The following KCNQ5 variants were observed in gnomAD, a reference collection of about 807,000 sequenced individuals.
The protein encoded by KCNQ5 is potassium voltage-gated channel subfamily KQT member 5.
In KCNQ5, 30 loss-of-function variants were observed where a neutral mutation model predicts 98.2. The observed-to-expected ratio is 0.31, with a 90% CI of 0.23 to 0.41. The LOEUF (loss-of-function observed/expected upper bound fraction) is 0.41. Ranked by LOEUF, KCNQ5 falls within the 10% of genes least tolerant of loss-of-function variation. The pLI is 1.00. For missense variants in KCNQ5, 835 were observed against 1,182.5 expected, an observed-to-expected ratio of 0.71 and a Z score of 4.31; for synonymous variants, 458 against 449.4, an observed-to-expected ratio of 1.02 and a Z score of -0.24.
chr6:72,797,735 T>C (rs1043342858), intron 1 of KCNQ5, among the ~76,000 whole-genome samples: 3 of 152,148 alleles, frequency 2.0e-5, no homozygotes, highest in Admixed American at 2.0e-4. Flanking sequence ...AGTTATAACA[T>C]AGACTTATGA....
At chr6:72,664,566 A>G (rs1186941978) in intron 1 of KCNQ5, among the ~76,000 whole-genome samples, 1 of 152,080 alleles carries the variant, frequency 6.6e-6, no homozygotes, top group African/African-American at 2.4e-5. Context: ...GAGGCAGGAG[A>G]GTCCCTTGAA....
At chr6:72,770,544 T>C (rs540725636) in intron 1 of KCNQ5, among the ~76,000 whole-genome samples, 1 of 152,270 alleles carries the variant, frequency 6.6e-6, no homozygotes, top group South Asian at 2.1e-4. Context: ...ATCTGTAAGA[T>C]GACCTGAATC....
At chr6:72,961,270 C>T (rs577323064) in intron 1 of KCNQ5, among the ~76,000 whole-genome samples, 2 of 152,176 alleles carry the variant, frequency 1.3e-5, no homozygotes, top group African/African-American at 4.8e-5. Context: ...TAATCACATG[C>T]CAAACTAGGC....
intron 1 of KCNQ5, among the ~76,000 whole-genome samples, chr6:72,988,322 A>C (rs940269293): frequency 1.3e-5 from 2 of 152,254 alleles, no homozygotes; most frequent in African/African-American, 4.8e-5. Flanking sequence ...CTAAAAACAA[A>C]CAAACAAAAG....
rs1469821073 is a variant in KCNQ5, at chr6:72,647,512, GAGAGGC to G, written c.398+24930_398+24935del. Among the ~76,000 whole-genome samples, 4 of 151,920 alleles carry G rather than the reference GAGAGGC, an allele frequency of 2.6e-5. No homozygotes were observed. In the East Asian group the frequency reaches 7.7e-4, roughly 29 times the overall value. The stretch of plus-strand genomic sequence containing the variant: ...TGCCATAAGATGAGAGAAAGAAAGA[GAGAGGC>G]AGAGACAGAGACTGAGAGACTGATC... On this transcript the variant is annotated intron_variant, in intron 1 of 13. Transcript: ENST00000370398.
intron 1 of KCNQ5, among the ~76,000 whole-genome samples, chr6:72,925,820 C>A (rs991809666): frequency 1.3e-5 from 2 of 152,198 alleles, no homozygotes; most frequent in African/African-American, 2.4e-5. Flanking sequence ...GCAATGGGAA[C>A]CTTGTGGGCA....
intron 1 of KCNQ5, among the ~76,000 whole-genome samples, chr6:72,840,709 A>C (rs567090000): frequency 1.3e-5 from 2 of 152,342 alleles, no homozygotes; most frequent in East Asian, 1.9e-4. Context: ...GGAAACTCCT[A>C]TACTGATTTT....
rs770848588 is a variant in KCNQ5 at position 73,192,604 on chromosome 6, T to C, written c.1749T>C (p.Asp583=). The C allele has an allele frequency of 2.5e-6, 4 of 1,611,974 alleles. No homozygotes were observed. Among genetic ancestry groups the C allele is most frequent in the Admixed American group, 1.7e-5 (1 of 59,738 alleles). Residue 583 remains aspartate, a synonymous_variant, in exon 13 of 14, where the codon GAT becomes GAC. Coordinates refer to ENST00000370398, the MANE Select transcript of KCNQ5 (RefSeq NM_019842.4). ...QILGKGQITS[D]KKSREKITAE... ...TTGGAAAAGGGCAAATCACATCAGA[T>C]AAGAAGAGCCGAGAGAAAATAACAG... is the stretch of plus-strand genomic sequence containing the variant.
chr6:73,086,243 T>C (rs1485822132), intron 5 of KCNQ5, among the ~76,000 whole-genome samples: 1 of 152,062 alleles, frequency 6.6e-6, no homozygotes, highest in African/African-American at 2.4e-5. Flanking sequence ...TCTTTGCCTA[T>C]TCCAAGCCTC....
intron 1 of KCNQ5, among the ~76,000 whole-genome samples, chr6:72,856,835 G>A (rs745421211): frequency 2.0e-5 from 3 of 152,218 alleles, no homozygotes; most frequent in African/African-American, 4.8e-5. Flanking sequence ...CAACTCTGGT[G>A]ATGTAGCTGC....
intron 1 of KCNQ5, among the ~76,000 whole-genome samples, chr6:72,887,597 A>G (rs1158284741): frequency 2.0e-5 from 3 of 152,226 alleles, no homozygotes; most frequent in East Asian, 1.9e-4. Flanking sequence ...AATACAATTA[A>G]AAAGCAAGAC....
At chr6:72,723,038 T>C (rs754668608) in intron 1 of KCNQ5, among the ~76,000 whole-genome samples, 1 of 151,886 alleles carries the variant, frequency 6.6e-6, no homozygotes, top group Non-Finnish European at 1.5e-5. Context: ...TTTGTAGAGA[T>C]GGGGTTTCAC....
rs367550277 is a variant in KCNQ5, at chr6:72,863,066, G to A, written c.399-140842G>A. On this transcript the variant is annotated intron_variant, in intron 1 of 13. Transcript: ENST00000370398. ...GGCTAAAAACTGGAAGCAGCTTATG[G>A]CAGACTAAATGACTCAGTTGCTACT... is the stretch of plus-strand genomic sequence containing the variant. Among the ~76,000 whole-genome samples the A allele has an allele frequency of 2.0e-4, 30 of 152,266 alleles. 1 individual carries two copies. The South Asian group carries it at 5.8e-3, about 29-fold the overall frequency.
intron 1 of KCNQ5, among the ~76,000 whole-genome samples, chr6:72,821,185 G>T (rs1025256925): frequency 1.3e-5 from 2 of 152,148 alleles, no homozygotes; most frequent in Non-Finnish European, 2.9e-5. Flanking sequence ...TTTTATAAAT[G>T]GTGGTAGAAT....
intron 7 of KCNQ5, among the ~76,000 whole-genome samples, chr6:73,115,927 A>T (rs1775471384): frequency 6.6e-6 from 1 of 152,328 alleles, no homozygotes; most frequent in Middle Eastern, 3.4e-3. Flanking sequence ...TTGAGAACAG[A>T]ATGAGAAGGA....
intron 1 of KCNQ5, among the ~76,000 whole-genome samples, chr6:72,965,031 T>G (rs1767538688): frequency 1.3e-5 from 2 of 152,326 alleles, no homozygotes; most frequent in Middle Eastern, 3.4e-3. Flanking sequence ...TAGGCTGGTC[T>G]CAAACTCCTG....
At chr6:73,079,677 A>G (rs1483647479) in intron 5 of KCNQ5, among the ~76,000 whole-genome samples, 1 of 152,232 alleles carries the variant, frequency 6.6e-6, no homozygotes, top group Non-Finnish European at 1.5e-5. Flanking sequence ...TGGTTTAATA[A>G]TGTGGTTTCC....
At chr6:72,731,536 G>C (rs6453599) in intron 1 of KCNQ5, among the ~76,000 whole-genome samples, 73,721 of 152,088 alleles carry the variant, frequency 0.48, 21,314 homozygotes, top group African/African-American at 0.8. Context: ...TCATTACTAT[G>C]TTTAGTGTGT....
chr6:73,001,140 T>G (rs1283181652), intron 1 of KCNQ5, among the ~76,000 whole-genome samples: 1 of 152,178 alleles, frequency 6.6e-6, no homozygotes, highest in Non-Finnish European at 1.5e-5. Flanking sequence ...AACACCATCT[T>G]TTTTTTGGAA....
Sources: allele counts gnomAD v4.1 joint callset (sites outside exome capture counted in the v4.1 genomes callset), GRCh38; gene constraint gnomAD v4.1.1; transcripts MANE v1.5; gene names NCBI Gene and HGNC (gene_info 2026-07-23, HGNC 2026-07-21).